DDX10: variants seen among roughly 807,000 people sequenced by gnomAD.
DDX10 encodes the protein DEAD-box helicase 10.
In DDX10, 74 loss-of-function variants were observed where a neutral mutation model predicts 104.3. The observed-to-expected ratio is 0.71, with a 90% confidence interval of 0.59 to 0.86. DDX10 has a LOEUF of 0.86. Ranked by LOEUF, DDX10 falls within the 40% of genes least tolerant of loss-of-function variation. The pLI is 0.00. For missense variants in DDX10, 952 were observed against 1,040.0 expected (o/e 0.92, Z 1.16); for synonymous variants, 351 against 353.4 (o/e 0.99, Z 0.08).
chr11:108,770,004 G>T (rs1591813607), intron 13 of DDX10, among the ~76,000 whole-genome samples: 1 of 152,234 alleles, frequency 6.6e-6, no homozygotes, highest in African/African-American at 2.4e-5. Context: ...TCTGGCTGAA[G>T]AGTTGAATAC....
At chr11:108,928,235 C>A (rs1207147753) in intron 17 of DDX10, among the ~76,000 whole-genome samples, 2 of 152,110 alleles carry the variant, frequency 1.3e-5, no homozygotes, top group African/African-American at 4.8e-5. Context: ...TGGAATAAGC[C>A]CTAGGAGTTC....
chr11:108,735,887 G>C (rs2094317716), intron 13 of DDX10, among the ~76,000 whole-genome samples: 1 of 152,130 alleles, frequency 6.6e-6, no homozygotes, highest in Admixed American at 6.5e-5. Context: ...AGTAAATTAA[G>C]TGGGAACAGG....
intron 16 of DDX10, among the ~76,000 whole-genome samples, chr11:108,889,962 A>C (rs1229254907): frequency 6.6e-6 from 1 of 152,232 alleles, no homozygotes; most frequent in Non-Finnish European, 1.5e-5. Context: ...CTTTTGTAGC[A>C]GAGATTCAAA....
chr11:108,796,585 A>G (rs917524284), intron 13 of DDX10, among the ~76,000 whole-genome samples: 1 of 152,242 alleles, frequency 6.6e-6, no homozygotes, highest in Non-Finnish European at 1.5e-5. Flanking sequence ...AACTGTCTTT[A>G]TAATGTTGTA....
At chr11:108,883,891 C>G (rs1440515742) in intron 16 of DDX10, among the ~76,000 whole-genome samples, 1 of 152,148 alleles carries the variant, frequency 6.6e-6, no homozygotes, top group East Asian at 1.9e-4. Flanking sequence ...ATTTACCTCC[C>G]TGGGAACTCT....
At chr11:108,890,606 G>A (rs1481964843) in intron 16 of DDX10, among the ~76,000 whole-genome samples, 1 of 151,234 alleles carries the variant, frequency 6.6e-6, no homozygotes, top group Non-Finnish European at 1.5e-5. Context: ...CATAGGGGTA[G>A]GTTCAGAAAC....
At chr11:108,800,237 A>G (rs1265109770) in intron 13 of DDX10, among the ~76,000 whole-genome samples, 2 of 149,038 alleles carry the variant, frequency 1.3e-5, no homozygotes, top group Non-Finnish European at 3.0e-5. Flanking sequence ...AGGTCAGGAG[A>G]TTGAGACCAT....
intron 13 of DDX10, among the ~76,000 whole-genome samples, chr11:108,759,325 A>C (rs2094347998): frequency 6.6e-6 from 1 of 152,066 alleles, no homozygotes; most frequent in Non-Finnish European, 1.5e-5. Flanking sequence ...ACTTCAAATA[A>C]ATAGCATTTG....
chr11:108,938,372 C>CAT (rs144576372), intron 17 of DDX10, among the ~76,000 whole-genome samples: 5,782 of 152,270 alleles, frequency 0.038, 408 homozygotes, highest in African/African-American at 0.13. Context: ...TCCTGCAGGG[C>CAT]ATGTAATGTG....
chr11:108,764,293 G>A (rs186662019), intron 13 of DDX10, among the ~76,000 whole-genome samples: 6 of 152,304 alleles, frequency 3.9e-5, no homozygotes, highest in Admixed American at 2.6e-4. Context: ...GACAGGTGGT[G>A]TTAGTTAATT....
chr11:108,673,396 A>C (rs2094219593), intron 1 of DDX10, 71 bp from the exon 2 acceptor site: 1 of 991,190 alleles, frequency 1.0e-6, no homozygotes, highest in Non-Finnish European at 1.6e-6. Flanking sequence ...GCTGGGCAAT[A>C]CAATGTAGAG....
intron 17 of DDX10, among the ~76,000 whole-genome samples, chr11:108,935,276 C>T (rs1864022494): frequency 6.6e-6 from 1 of 152,028 alleles, no homozygotes; most frequent in Non-Finnish European, 1.5e-5. Flanking sequence ...ATAAAAGAAA[C>T]TGAGAAGCTA....
chr11:108,767,389 G>C (rs145678931), intron 13 of DDX10: 15 of 152,164 alleles, frequency 9.9e-5, no homozygotes, highest in Non-Finnish European at 2.1e-4. Context: ...AGGCATCGTA[G>C]ACTTGATAAC....
At chr11:108,857,024 A>G (rs758390090) in intron 16 of DDX10, among the ~76,000 whole-genome samples, 2 of 152,206 alleles carry the variant, frequency 1.3e-5, no homozygotes, top group East Asian at 1.9e-4. Flanking sequence ...CTACATAGCT[A>G]ATACTTTTAA....
intron 13 of DDX10, among the ~76,000 whole-genome samples, chr11:108,760,065 G>C (rs183482635): frequency 3.3e-5 from 5 of 151,006 alleles, no homozygotes; most frequent in Non-Finnish European, 7.4e-5. Context: ...GTTAGTGAAG[G>C]GTACTCCTAT....
rs916984701 is a variant in DDX10 at position 108,830,306 on chromosome 11, G to A, written c.1966-8140G>A. On this transcript the variant is annotated intron_variant, in intron 13 of 17. Transcript: ENST00000322536. ...TTAGGTATATTTCTAAGTATTTTAC[G>A]TTTTTTTGCAGCTATTCTGAAAGAG... is the stretch of plus-strand genomic sequence containing the variant. 5.9e-5 allele frequency among the ~76,000 whole-genome samples: 9 copies of A among 152,090 alleles called. No homozygotes were observed. The Middle Eastern group carries it at 0.01, about 172-fold the overall frequency.
intron 13 of DDX10, among the ~76,000 whole-genome samples, chr11:108,727,408 A>T (rs1023378160): frequency 6.6e-6 from 1 of 152,138 alleles, no homozygotes; most frequent in African/African-American, 2.4e-5. Flanking sequence ...AGATGTCCTC[A>T]AACAGTAAAG....
intron 15 of DDX10, among the ~76,000 whole-genome samples, chr11:108,849,514 G>A (rs547395836): frequency 2.9e-4 from 44 of 152,200 alleles, no homozygotes; most frequent in African/African-American, 1.0e-3. Flanking sequence ...GACCTATAGT[G>A]TGTGAGAATC....
chr11:108,771,133 T>G (rs1003716905), intron 13 of DDX10, among the ~76,000 whole-genome samples: 1 of 152,196 alleles, frequency 6.6e-6, no homozygotes, highest in Non-Finnish European at 1.5e-5. Context: ...TATGCCTGTT[T>G]GCCATTTGAA....
Sources: allele counts gnomAD v4.1 joint callset (sites outside exome capture counted in the v4.1 genomes callset), GRCh38; gene constraint gnomAD v4.1.1; transcripts MANE v1.5; gene names NCBI Gene and HGNC (gene_info 2026-07-23, HGNC 2026-07-21).